ADGRV1: variants seen among roughly 807,000 people sequenced by gnomAD.
The protein encoded by ADGRV1 is adhesion G protein-coupled receptor V1.
In ADGRV1, 359 loss-of-function variants were observed where a neutral mutation model predicts 596.2. The ratio of observed to expected loss-of-function variants is 0.60; its 90% confidence interval spans 0.55 to 0.66. The LOEUF (loss-of-function observed/expected upper bound fraction) is 0.66. Ranked by LOEUF, ADGRV1 falls within the 30% of genes least tolerant of loss-of-function variation. ADGRV1 has a pLI of 0.00. For synonymous variants in ADGRV1, 2,681 were observed against 2,679.2 expected (o/e 1.00, Z -0.02); for missense variants, 7,274 against 7,575.6 (o/e 0.96, Z 1.48).
intron 76 of ADGRV1, among the ~76,000 whole-genome samples, chr5:90,828,371 A>G (rs1348409003): frequency 2.6e-5 from 4 of 151,700 alleles, no homozygotes; most frequent in Non-Finnish European, 5.9e-5. Context: ...ATATTCTCCA[A>G]CTCCACTCCC....
rs776345555 is a variant in ADGRV1, at chr5:90,724,846, G to A, written c.9763G>A (p.Val3255Met). ...TAFGMRGMDV[V>M]FSVFQSFLDE... is the part of the protein sequence containing the mutation. The stretch of plus-strand genomic sequence containing the variant: ...GTGTTTTTCAGGGGGAATGGATGTT[G>A]TGTTTTCCGTATTTCAAAGTTTTTT... The change falls in exon 46 of 90, where the codon GTG becomes ATG. Residue 3255 changes from valine to methionine, a missense_variant. By Grantham distance (21) the Val-to-Met change is conservative (BLOSUM62 1). Transcript: ENST00000405460. The A allele has an allele frequency of 3.6e-5, 58 of 1,613,088 alleles. No individual in the cohort carries two copies. Among genetic ancestry groups the A allele is most frequent in the Non-Finnish European group, 4.8e-5 (57 of 1,179,508 alleles).
At chr5:91,037,630 T>G (rs1481097093) in intron 85 of ADGRV1, among the ~76,000 whole-genome samples, 1 of 152,200 alleles carries the variant, frequency 6.6e-6, no homozygotes, top group African/African-American at 2.4e-5. Context: ...TTTAAACAGA[T>G]AAGCCATAAA....
chr5:90,662,270 T>G (rs1770449862), intron 21 of ADGRV1, among the ~76,000 whole-genome samples: 1 of 146,334 alleles, frequency 6.8e-6, no homozygotes, highest in Non-Finnish European at 1.5e-5. Flanking sequence ...CATGGCTCAC[T>G]GCAAGCTCCA....
intron 85 of ADGRV1, among the ~76,000 whole-genome samples, chr5:91,008,804 A>G (rs764650800): frequency 3.9e-5 from 6 of 152,172 alleles, no homozygotes; most frequent in Non-Finnish European, 7.4e-5. Flanking sequence ...TCTGGCCTGT[A>G]TAATTTTACA....
chr5:91,037,067 G>C (rs1354954080), intron 85 of ADGRV1, among the ~76,000 whole-genome samples: 1 of 152,062 alleles, frequency 6.6e-6, no homozygotes, highest in Non-Finnish European at 1.5e-5. Context: ...TCATGGCATA[G>C]CAAGCAGCAC....
intron 86 of ADGRV1, among the ~76,000 whole-genome samples, chr5:91,100,817 A>C (rs555320459): frequency 3.8e-4 from 58 of 152,330 alleles, no homozygotes; most frequent in African/African-American, 1.3e-3. Flanking sequence ...AGATGAACTC[A>C]GCATCCCTTC....
At chr5:91,121,340 T>G (rs1048044345) in intron 87 of ADGRV1, among the ~76,000 whole-genome samples, 2 of 152,182 alleles carry the variant, frequency 1.3e-5, no homozygotes, top group Non-Finnish European at 2.9e-5. Flanking sequence ...GTTCCATGAA[T>G]GCACCCGTCC....
At chr5:90,936,325 C>T (rs556855514) in intron 83 of ADGRV1, among the ~76,000 whole-genome samples, 2 of 152,214 alleles carry the variant, frequency 1.3e-5, no homozygotes, top group African/African-American at 4.8e-5. Context: ...TACACACATT[C>T]TAGCTGTATC....
chr5:90,668,898 A>G (rs996761395), intron 21 of ADGRV1, among the ~76,000 whole-genome samples: 1 of 152,176 alleles, frequency 6.6e-6, no homozygotes, highest in African/African-American at 2.4e-5. Flanking sequence ...CAAAATCCTC[A>G]TCTTAGTCCT....
chr5:90,653,160 G>A (rs767596827), intron 19 of ADGRV1, 49 bp from the exon 20 acceptor site: 1 of 1,481,604 alleles, frequency 6.7e-7, no homozygotes, highest in Non-Finnish European at 9.0e-7. Flanking sequence ...CATTATACTA[G>A]AAAGTACTTG....
At chr5:90,832,615 C>A (rs1235477378) in intron 77 of ADGRV1, among the ~76,000 whole-genome samples, 2 of 152,108 alleles carry the variant, frequency 1.3e-5, no homozygotes, top group East Asian at 3.9e-4. Flanking sequence ...GATATGATTC[C>A]ATTTGTCCAT....
chr5:91,083,003 C>T lies in ADGRV1; in HGVS notation c.18310+10399C>T, dbSNP rs141375826. Among the ~76,000 whole-genome samples, 27 of 151,886 alleles carry T rather than the reference C, an allele frequency of 1.8e-4. No individual in the cohort carries two copies. The East Asian group carries it at 2.5e-3, about 14-fold the overall frequency. Reference sequence around the variant, plus strand: ...CTGGTACATTATTAAAGAGGAGATCCGGAAATAAAGGAAAATGGGTTTACC... The same window carrying T: ...CTGGTACATTATTAAAGAGGAGATCTGGAAATAAAGGAAAATGGGTTTACC... On this transcript the variant is annotated intron_variant, in intron 86 of 89. Transcript: ENST00000405460.
chr5:91,057,486 C>T (rs1396587609), intron 85 of ADGRV1, among the ~76,000 whole-genome samples: 1 of 152,168 alleles, frequency 6.6e-6, no homozygotes, highest in Non-Finnish European at 1.5e-5. Context: ...GACAGCCTTA[C>T]ATTGTTTAAA....
intron 85 of ADGRV1, among the ~76,000 whole-genome samples, chr5:90,989,181 G>A (rs1780754766): frequency 6.6e-6 from 1 of 151,942 alleles, no homozygotes; most frequent in African/African-American, 2.4e-5. Context: ...GGGTCAAATG[G>A]TATTTCTAGT....
chr5:91,030,925 G>A (rs1784431670), intron 85 of ADGRV1: 2 of 728,564 alleles, frequency 2.7e-6, no homozygotes, highest in Non-Finnish European at 4.2e-6. Flanking sequence ...GCAGTCTTGT[G>A]ATCAGAGTCC....
At chr5:91,027,841 G>A (rs968608895) in intron 85 of ADGRV1, among the ~76,000 whole-genome samples, 2 of 152,138 alleles carry the variant, frequency 1.3e-5, no homozygotes, top group African/African-American at 4.8e-5. Context: ...GACAATAATT[G>A]TTGGTAGTAT....
intron 73 of ADGRV1, among the ~76,000 whole-genome samples, chr5:90,808,419 G>C (rs10037227): frequency 6.6e-6 from 1 of 152,156 alleles, no homozygotes; most frequent in African/African-American, 2.4e-5. Flanking sequence ...AAATTTTGGG[G>C]TATGAAAACT....
intron 20 of ADGRV1, chr5:90,655,297 A>G (rs959461346): frequency 1.3e-5 from 2 of 152,162 alleles, no homozygotes; most frequent in Non-Finnish European, 2.9e-5. Flanking sequence ...ACTGAACAGT[A>G]TGTACACTTG....
chr5:91,055,446 A>G (rs1786757670), intron 85 of ADGRV1, among the ~76,000 whole-genome samples: 1 of 152,204 alleles, frequency 6.6e-6, no homozygotes, highest in Admixed American at 6.5e-5. Context: ...CATGCTAGGT[A>G]TATGCTAAGC....
Sources: gnomAD v4.1 joint callset for allele counts (sites outside exome capture counted in the v4.1 genomes callset) on GRCh38, gnomAD v4.1.1 for gene constraint, MANE v1.5 for transcripts, NCBI Gene and HGNC (gene_info 2026-07-23, HGNC 2026-07-21) for gene names.